ZMYND19: variants seen among roughly 807,000 people sequenced by gnomAD.
ZMYND19 encodes the protein zinc finger MYND domain-containing protein 19.
Under a neutral mutation model 32.0 loss-of-function variants are expected in ZMYND19, and 17 were observed. The observed-to-expected ratio is 0.53, with a 90% CI of 0.36 to 0.80. The LOEUF (loss-of-function observed/expected upper bound fraction) is 0.80. ZMYND19 is among the 30% of genes least tolerant of loss of function. The pLI, the probability that ZMYND19 is intolerant of heterozygous loss-of-function variation, is 0.00. For missense variants in ZMYND19, 250 were observed against 293.6 expected, an observed-to-expected ratio of 0.85 and a Z score of 1.09; for synonymous variants, 124 against 113.6, an observed-to-expected ratio of 1.09 and a Z score of -0.58.
At chr9:137,589,740 G>A in intron 1 of ZMYND19, 1 of 985,480 alleles carries the variant, frequency 1.0e-6, no homozygotes, top group Non-Finnish European at 1.2e-6. Flanking sequence ...CTGAGAACTG[G>A]GAGGCACAGA....
chr9:137,587,857 A>G lies in ZMYND19; in HGVS notation c.112-34T>C, dbSNP rs748409050. ...GAACAAGGGAAAGAGCTGTTAAAAA[A>G]CCTCCAATTCTCAGCAACACTTCAA... On this transcript the variant is annotated intron_variant, in intron 2 of 5. Coordinates refer to ENST00000298585, the MANE Select transcript of ZMYND19 (RefSeq NM_138462.3). The G allele has an allele frequency of 2.0e-5, 32 of 1,597,046 alleles. 1 individual carries two copies. The South Asian group carries it at 2.4e-4, about 12-fold the overall frequency.
At position 137,590,107 on chromosome 9, in the gene ZMYND19, G is replaced by A. The variant is rs1405391049; in HGVS notation, c.51+106C>T. On this transcript the variant is annotated intron_variant, in intron 1 of 5. Transcript: ENST00000298585. The surrounding 1 kb of genome is among the most constrained non-coding windows in gnomAD (Gnocchi z 4.2). ...CCCCCGCCCCGCTGGGGCCCATCCC[G>A]GGCTCCGCGCCCCCGCCCCGGCCGC... 23 of 981,710 alleles carry A rather than the reference G, an allele frequency of 2.3e-5. No individual in the cohort carries two copies. The highest frequency in any genetic ancestry group is 2.8e-5 in the Non-Finnish European group (23 of 828,280). 60.8% of individuals were successfully genotyped at this position (981,710 alleles called of 1,614,324 possible).
intron 3 of ZMYND19, 35 bp downstream of exon 3, chr9:137,587,682 G>A (rs778467813): frequency 3.8e-6 from 6 of 1,593,820 alleles, no homozygotes; most frequent in Non-Finnish European, 5.2e-6. Context: ...CAGGAGCCCA[G>A]TGGCGGGGGG....
intron 3 of ZMYND19, 165 bp from the exon 4 acceptor site, chr9:137,587,272 G>C (rs1177011050): frequency 3.4e-6 from 4 of 1,172,328 alleles, no homozygotes; most frequent in Non-Finnish European, 4.7e-6. Context: ...GGAAGCTGCT[G>C]AGAGAAACCC....
In ZMYND19 at chr9:137,582,965, G is replaced by C. The variant is rs752523734; in HGVS notation, c.540+18C>G. ...GGGTAGAGGTGCCAGGGACGCGACC[G>C]CACTGCAGCACACCCACCTGCTTCT... is the stretch of plus-strand genomic sequence containing the variant. On this transcript the variant is annotated intron_variant, in intron 5 of 5. Transcript: ENST00000298585. 6.2e-7 allele frequency: 1 copy of C among 1,613,066 alleles called. No homozygotes were observed. The highest frequency in any genetic ancestry group is 8.5e-7 in the Non-Finnish European group (1 of 1,179,342).
At chr9:137,582,897 C>A (rs1842163241) in intron 5 of ZMYND19, 86 bp downstream of exon 5, 3 of 1,559,660 alleles carry the variant, frequency 1.9e-6, no homozygotes, top group Non-Finnish European at 2.6e-6. Context: ...GGGAATGGGA[C>A]CCCGCGGTGG....
rs536591259 is a variant in ZMYND19, at chr9:137,590,042, C to A, written c.51+171G>T. 1.9e-4 allele frequency: 184 copies of A among 984,458 alleles called. 1 individual carries two copies. In the Middle Eastern group the frequency reaches 3.1e-3, roughly 17 times the overall value. 61.0% of individuals were successfully genotyped at this position (984,458 alleles called of 1,614,324 possible). A position where few individuals can be genotyped will look rare whatever the true frequency, so the allele number is the denominator to read the frequency against. On this transcript the variant is annotated intron_variant, in intron 1 of 5. Coordinates refer to ENST00000298585, the MANE Select transcript of ZMYND19 (RefSeq NM_138462.3). This position sits in a 1 kb window ranked among gnomAD's most constrained non-coding sequence, Gnocchi z 4.2. ...GTGCCCGCCGGCCTGCGAGAGGAAG[C>A]TGCACCCGCGCGGGGCCAGCAGCCG...
chr9:137,589,213 T>C (rs765275701), intron 1 of ZMYND19: 6 of 365,974 alleles, frequency 1.6e-5, no homozygotes, highest in East Asian at 1.6e-4. Flanking sequence ...AATGCCATCA[T>C]GGGTGGAGTT....
At position 137,582,699 on chromosome 9, in the gene ZMYND19, A is replaced by ACACCTGT; in HGVS notation, c.541-20_541-14dup. The ACACCTGT allele has an allele frequency of 6.2e-7, 1 of 1,611,484 alleles. No homozygotes were observed. Among genetic ancestry groups the ACACCTGT allele is most frequent in the Non-Finnish European group, 8.5e-7 (1 of 1,179,460 alleles). ...TGAACTCCCGGAGCTGAAATACAGA[A>ACACCTGT]CACCTGTGGCTTCACCATCATGCCT... On this transcript the variant is annotated splice_polypyrimidine_tract_variant and intron_variant, in intron 5 of 5. Coordinates refer to ENST00000298585, the MANE Select transcript of ZMYND19 (RefSeq NM_138462.3).
chr9:137,590,259 G>T lies in ZMYND19; in HGVS notation c.5C>A (p.Thr2Asn). 2 of 1,145,522 alleles carry T rather than the reference G, an allele frequency of 1.7e-6. No homozygotes were observed. The highest frequency in any genetic ancestry group is 2.2e-6 in the Non-Finnish European group (2 of 917,696). The allele number at this position is 1,145,522 out of a possible 1,614,324, so 71.0% of individuals were successfully genotyped here. M[T>N]DFKLGIVRLG... ...CCGCACGATACCCAATTTGAAGTCG[G>T]TCATGGCCGGGCCTGCGCTCTCGGC... The change falls in exon 1 of 6, where the codon ACC becomes AAC. Residue 2 changes from threonine to asparagine, a missense_variant. Thr to Asn is a moderately conservative substitution (Grantham distance 65). Transcript: ENST00000298585. The surrounding 1 kb of genome is among the most constrained non-coding windows in gnomAD (Gnocchi z 4.2).
chr9:137,590,012 G>C lies in ZMYND19; in HGVS notation c.51+201C>G. The C allele has an allele frequency of 2.0e-6, 2 of 985,092 alleles. No homozygotes were observed. Among genetic ancestry groups the C allele is most frequent in the Non-Finnish European group, 1.2e-6 (1 of 829,772 alleles). 61.0% of individuals were successfully genotyped at this position (985,092 alleles called of 1,614,324 possible). On this transcript the variant is annotated intron_variant, in intron 1 of 5. Coordinates refer to ENST00000298585, the MANE Select transcript of ZMYND19 (RefSeq NM_138462.3). The surrounding 1 kb of genome is among the most constrained non-coding windows in gnomAD (Gnocchi z 4.2). ...GGCCAGGTGCACCCCAGAGCCGAGGGGTGCGTGCCCGCCGGCCTGCGAGAG... is the reference window on the plus strand; with the variant it reads ...GGCCAGGTGCACCCCAGAGCCGAGGCGTGCGTGCCCGCCGGCCTGCGAGAG...
At chr9:137,585,414 CAA>C (rs143309893) in intron 4 of ZMYND19, among the ~76,000 whole-genome samples, 26,692 of 83,326 alleles carry the variant, frequency 0.32, 2,401 homozygotes, top group Admixed American at 0.41. Flanking sequence ...GACTCCGTCT[CAA>C]AAAAAAAAAA....
At position 137,582,523 on chromosome 9, in the gene ZMYND19, A is replaced by G. The variant is rs753097131; in HGVS notation, c.*20T>C. 6.2e-7 allele frequency: 1 copy of G among 1,609,490 alleles called. No homozygotes were observed. The highest frequency in any genetic ancestry group is 2.2e-5 in the East Asian group (1 of 44,812). On this transcript the variant is annotated 3_prime_UTR_variant, in exon 6 of 6. Coordinates refer to ENST00000298585, the MANE Select transcript of ZMYND19 (RefSeq NM_138462.3). ...AGGGTAGAGCCCGGGGGCTGTGAGT[A>G]TGTGTGGCTCCCCTGCCCGTCATCG...
rs1588971677 is a variant in ZMYND19 at position 137,582,389 on chromosome 9, CCA to C, written c.*152_*153del. ...AGATGAACACTGAGGGGCGCTGTAA[CCA>C]CACAGACTGCCTGTGACATCGGGAG... On this transcript the variant is annotated 3_prime_UTR_variant, in exon 6 of 6. Coordinates refer to ENST00000298585, the MANE Select transcript of ZMYND19 (RefSeq NM_138462.3). The C allele has an allele frequency of 1.0e-5, 11 of 1,090,378 alleles. No homozygotes were observed. The East Asian group carries it at 1.0e-4, about 10-fold the overall frequency. 67.5% of individuals were successfully genotyped at this position (1,090,378 alleles called of 1,614,324 possible).
At chr9:137,589,687 C>G in intron 1 of ZMYND19, 1 of 985,470 alleles carries the variant, frequency 1.0e-6, no homozygotes, top group Non-Finnish European at 1.2e-6. Flanking sequence ...CTCAGCCTAA[C>G]GTGGCCAACC....
chr9:137,586,856 G>C, intron 4 of ZMYND19, 111 bp downstream of exon 4: 4 of 1,398,280 alleles, frequency 2.9e-6, no homozygotes, highest in African/African-American at 1.4e-5. Flanking sequence ...ATACACAGAA[G>C]CATCAGGGCT....
At position 137,589,426 on chromosome 9, in the gene ZMYND19, C is replaced by T. The variant is rs537033144; in HGVS notation, c.52-708G>A. 16 of 985,458 alleles carry T rather than the reference C, an allele frequency of 1.6e-5. No individual in the cohort carries two copies. In the East Asian group the frequency reaches 1.4e-3, roughly 84 times the overall value. The allele number at this position is 985,458 out of a possible 1,614,324, so 61.0% of individuals were successfully genotyped here. ...TACCTGACGCCGCCTGACACTGCCTCGGCTCCTCTCTCCCACCAAAAGCCG... is the reference window on the plus strand; with the variant it reads ...TACCTGACGCCGCCTGACACTGCCTTGGCTCCTCTCTCCCACCAAAAGCCG... On this transcript the variant is annotated intron_variant, in intron 1 of 5. Coordinates refer to ENST00000298585, the MANE Select transcript of ZMYND19 (RefSeq NM_138462.3).
In ZMYND19 at chr9:137,587,624, T is replaced by C. The variant is rs2133301878; in HGVS notation, c.218+93A>G. On this transcript the variant is annotated intron_variant, in intron 3 of 5. Coordinates refer to ENST00000298585, the MANE Select transcript of ZMYND19 (RefSeq NM_138462.3). ...AGATTCAGGGAAGGCAAGGCAGGGC[T>C]TCAGCGGGGCAGGGGGCTCCAGGCG... is the stretch of plus-strand genomic sequence containing the variant. The C allele has an allele frequency of 4.6e-6, 5 of 1,091,484 alleles. No individual in the cohort carries two copies. The Middle Eastern group carries it at 9.8e-4, about 213-fold the overall frequency. 67.6% of individuals were successfully genotyped at this position (1,091,484 alleles called of 1,614,324 possible).
At position 137,586,988 on chromosome 9, in the gene ZMYND19, T is replaced by C; in HGVS notation, c.338A>G (p.Glu113Gly). 1 of 1,612,396 alleles carries C rather than the reference T, an allele frequency of 6.2e-7. No homozygotes were observed. The highest frequency in any genetic ancestry group is 8.5e-7 in the Non-Finnish European group (1 of 1,180,004). The change falls in exon 4 of 6, where the codon GAA becomes GGA. Residue 113 changes from glutamate to glycine, a missense_variant. By Grantham distance (98) the Glu-to-Gly change is moderately conservative. Transcript: ENST00000298585. ...LVPWGWRPKA[E>G]ETSSKQREQS... ...CCACCTCTGCTTGCTGGAGGTCTCT[T>C]CAGCCTTGGGCCGCCAGCCCCACGG...
Sources: gnomAD v4.1 joint callset for allele counts (sites outside exome capture counted in the v4.1 genomes callset) on GRCh38, gnomAD v4.1.1 for gene constraint, Gnocchi (gnomAD v3.1) non-coding constraint, MANE v1.5 for transcripts, NCBI Gene and HGNC (gene_info 2026-07-23, HGNC 2026-07-21) for gene names.